The following MYO16 variants were observed in gnomAD, a reference collection of about 807,000 sequenced individuals.
The protein encoded by MYO16 is myosin XVI.
A neutral mutation model predicts 205.3 loss-of-function variants in MYO16; 94 were observed. The ratio of observed to expected loss-of-function variants is 0.46; its 90% CI spans 0.39 to 0.54. MYO16 has a LOEUF of 0.54. MYO16 is among the 20% of genes least tolerant of loss of function. The probability of loss-of-function intolerance (pLI) is 0.00; values close to 1 mark genes in which losing one functional copy is unlikely to be tolerated. For missense variants in MYO16, 2,315 were observed against 2,387.5 expected (o/e 0.97, Z 0.63); for synonymous variants, 988 against 954.0 (o/e 1.04, Z -0.66).
chr13:108,612,617 A>G (rs1428942494), intron 1 of MYO16, among the ~76,000 whole-genome samples: 2 of 149,286 alleles, frequency 1.3e-5, no homozygotes, highest in Non-Finnish European at 3.0e-5. Flanking sequence ...AAATAAATAA[A>G]TGGACTATAA....
chr13:108,659,989 C>A (rs1054533579), intron 1 of MYO16, among the ~76,000 whole-genome samples: 7 of 152,038 alleles, frequency 4.6e-5, no homozygotes, highest in Non-Finnish European at 1.0e-4. Context: ...GCAGTCCCAG[C>A]TACTTGGGAG....
intron 33 of MYO16, among the ~76,000 whole-genome samples, chr13:109,170,116 A>G (rs535714195): frequency 1.2e-5 from 1 of 86,628 alleles, no homozygotes; most frequent in Admixed American, 1.5e-4. Context: ...AAAAGTTTTA[A>G]CCATAAAGAA....
chr13:109,059,762 A>C (rs1210153590), intron 27 of MYO16, among the ~76,000 whole-genome samples: 1 of 152,118 alleles, frequency 6.6e-6, no homozygotes, highest in African/African-American at 2.4e-5. Flanking sequence ...TCTTTAGTTT[A>C]TTTAGATCCC....
chr13:108,960,911 T>C (rs1883556541), intron 17 of MYO16, among the ~76,000 whole-genome samples: 1 of 152,244 alleles, frequency 6.6e-6, no homozygotes, highest in South Asian at 2.1e-4. Context: ...TGCTCAAAGA[T>C]AGCTCTTGCC....
chr13:108,826,523 G>C (rs890152888), intron 9 of MYO16, among the ~76,000 whole-genome samples: 17 of 152,044 alleles, frequency 1.1e-4, no homozygotes, highest in African/African-American at 3.9e-4. Context: ...TCTTAGATAT[G>C]ACACCGAAAG....
intron 4 of MYO16, among the ~76,000 whole-genome samples, chr13:108,761,356 A>G (rs1208538537): frequency 2.0e-5 from 3 of 151,760 alleles, no homozygotes; most frequent in Admixed American, 1.3e-4. Context: ...GATCATGGAC[A>G]CTAAAAAAGA....
At chr13:108,961,764 C>A in intron 18 of MYO16, 108 bp downstream of exon 18, 3 of 828,912 alleles carry the variant, frequency 3.6e-6, no homozygotes, top group Non-Finnish European at 6.0e-6. Flanking sequence ...TAAACCCTTT[C>A]CTCTATAGTA....
intron 4 of MYO16, among the ~76,000 whole-genome samples, chr13:108,771,731 A>G (rs1323113789): frequency 2.6e-5 from 4 of 152,168 alleles, no homozygotes; most frequent in Non-Finnish European, 5.9e-5. Context: ...AATGCTGTAT[A>G]CTTGAAATCA....
intron 22 of MYO16, among the ~76,000 whole-genome samples, chr13:109,011,498 CTTTTT>C (rs34575828): frequency 7.7e-6 from 1 of 129,946 alleles, no homozygotes; most frequent in Non-Finnish European, 1.6e-5. Context: ...TTCTTCCTTT[CTTTTT>C]TTTTTTTGTT....
intron 16 of MYO16, among the ~76,000 whole-genome samples, chr13:108,956,170 A>G (rs1883340436): frequency 6.6e-6 from 1 of 152,176 alleles, no homozygotes; most frequent in Non-Finnish European, 1.5e-5. Flanking sequence ...CCAGAAACCT[A>G]TTCCTCCTCT....
intron 4 of MYO16, among the ~76,000 whole-genome samples, chr13:108,770,980 A>G (rs1276868868): frequency 1.3e-5 from 2 of 152,230 alleles, no homozygotes; most frequent in African/African-American, 2.4e-5. Context: ...TGAAGTGGAT[A>G]CTTGTAAACC....
In MYO16 at chr13:109,158,821, C is replaced by A. The variant is rs538068036; in HGVS notation, c.5165-6080C>A. ...GAAAATAAATCAAAGTATACGTTTACAAAGTATTACAAATGTTAACTGTTT... is the reference window on the plus strand; with the variant it reads ...GAAAATAAATCAAAGTATACGTTTAAAAAGTATTACAAATGTTAACTGTTT... On this transcript the variant is annotated intron_variant, in intron 32 of 34. Coordinates refer to ENST00000457511, the MANE Select transcript of MYO16 (RefSeq NM_001198950.3). 6.2e-4 allele frequency among the ~76,000 whole-genome samples: 95 copies of A among 152,296 alleles called. No homozygotes were observed. The Middle Eastern group carries it at 0.01, about 16-fold the overall frequency.
At chr13:108,593,808 G>A (rs574367731), upstream of MYO16, among the ~76,000 whole-genome samples, 20 of 152,006 alleles carry the variant, frequency 1.3e-4, no homozygotes, top group Admixed American at 1.1e-3. Context: ...CTCCTATGTC[G>A]CTCCCAAGCC....
At chr13:108,916,335 G>A (rs1881494203) in intron 16 of MYO16, among the ~76,000 whole-genome samples, 1 of 152,196 alleles carries the variant, frequency 6.6e-6, no homozygotes, top group African/African-American at 2.4e-5. Flanking sequence ...TGTATAGTGA[G>A]ATGTCACCCA....
intron 19 of MYO16, among the ~76,000 whole-genome samples, chr13:108,963,855 G>C (rs896565678): frequency 2.0e-5 from 3 of 152,096 alleles, no homozygotes; most frequent in Non-Finnish European, 4.4e-5. Context: ...CAGTCACATG[G>C]CTCTAGGAAC....
intron 2 of MYO16, among the ~76,000 whole-genome samples, chr13:108,668,453 A>G (rs1380424859): frequency 6.6e-6 from 1 of 152,228 alleles, no homozygotes; most frequent in Non-Finnish European, 1.5e-5. Flanking sequence ...TCACGAATTT[A>G]ATAGTGACAA....
At chr13:109,010,569 C>G (rs1230728623) in intron 22 of MYO16, among the ~76,000 whole-genome samples, 2 of 152,078 alleles carry the variant, frequency 1.3e-5, no homozygotes, top group Non-Finnish European at 2.9e-5. Context: ...ACTGCAATAT[C>G]CATTGACAGC....
the MYO16 span, among the ~76,000 whole-genome samples, chr13:108,586,595 C>T: frequency 6.6e-6 from 1 of 152,280 alleles, no homozygotes; most frequent in South Asian, 2.1e-4. Flanking sequence ...TCTTAAGGGG[C>T]TGTATTTGTC....
At chr13:109,073,865 C>G in intron 27 of MYO16, among the ~76,000 whole-genome samples, 1 of 152,326 alleles carries the variant, frequency 6.6e-6, no homozygotes, top group Middle Eastern at 3.4e-3. Context: ...TATGTAATCT[C>G]ATCTGCCTAG....
Sources: gnomAD v4.1 joint callset for allele counts (sites outside exome capture counted in the v4.1 genomes callset) on GRCh38, gnomAD v4.1.1 for gene constraint, MANE v1.5 for transcripts, NCBI Gene and HGNC (gene_info 2026-07-23, HGNC 2026-07-21) for gene names.